FOXK1: variants seen among roughly 807,000 people sequenced by gnomAD.
FOXK1 encodes the protein forkhead box K1, also known as forkhead box protein K1.
FOXK1 carries 19 observed loss-of-function variants against 51.9 expected under a neutral mutation model. That is an observed-to-expected ratio of 0.37 (90% CI 0.26 to 0.54). The LOEUF (loss-of-function observed/expected upper bound fraction) is 0.54, where lower values mean the gene tolerates loss of function less well. Among genes scored for constraint, FOXK1 ranks in the 20% least tolerant of loss-of-function variants. The pLI is 0.87. For missense variants in FOXK1, 870 were observed against 1,032.7 expected, an observed-to-expected ratio of 0.84 and a Z score of 2.16; for synonymous variants, 537 against 482.6, an observed-to-expected ratio of 1.11 and a Z score of -1.48.
At chr7:4,690,092 G>A (rs1462632585) in intron 1 of FOXK1, among the ~76,000 whole-genome samples, 1 of 152,220 alleles carries the variant, frequency 6.6e-6, no homozygotes, top group Admixed American at 6.5e-5. Context: ...GTCTGTTAGT[G>A]AAGGAAGCCA....
At chr7:4,740,541 G>A (rs1422972935) in intron 1 of FOXK1, among the ~76,000 whole-genome samples, 2 of 152,090 alleles carry the variant, frequency 1.3e-5, no homozygotes, top group African/African-American at 4.8e-5. Context: ...AACCCAGGAG[G>A]CTGAGGTTGC....
chr7:4,712,856 G>A (rs1327127551), intron 1 of FOXK1, among the ~76,000 whole-genome samples: 2 of 152,176 alleles, frequency 1.3e-5, no homozygotes, highest in African/African-American at 2.4e-5. Context: ...GAGTGGTAGG[G>A]GATGAATCAT....
At chr7:4,688,176 CT>C (rs1484555287) in intron 1 of FOXK1, among the ~76,000 whole-genome samples, 1 of 149,748 alleles carries the variant, frequency 6.7e-6, no homozygotes, top group East Asian at 2.0e-4. Context: ...ACCTTTCCCC[CT>C]CGCCCCAGTT....
At position 4,770,805 on chromosome 7, in the gene FOXK1, G is replaced by A. The variant is rs765458119; in HGVS notation, c.*8341G>A. On this transcript the variant is annotated 3_prime_UTR_variant, in exon 9 of 9. Coordinates refer to ENST00000328914, the MANE Select transcript of FOXK1 (RefSeq NM_001037165.2). ...CCAATATTGAGTTTTTGTTCTTGTT[G>A]TTTTAATCTGAACGATTATTCTCCT... 2.7e-5 allele frequency: 4 copies of A among 148,080 alleles called. No homozygotes were observed. Among genetic ancestry groups the A allele is most frequent in the Non-Finnish European group, 5.9e-5 (4 of 67,422 alleles). The allele number at this position is 148,080 out of a possible 1,614,324, so 9.2% of individuals were successfully genotyped here.
At chr7:4,726,752 A>C (rs6944865) in intron 1 of FOXK1, among the ~76,000 whole-genome samples, 1 of 151,994 alleles carries the variant, frequency 6.6e-6, no homozygotes, top group Middle Eastern at 3.2e-3. Context: ...TGCCCTCAAG[A>C]CTTCTCTTTT....
intron 1 of FOXK1, among the ~76,000 whole-genome samples, chr7:4,712,870 T>C (rs1366655123): frequency 1.3e-5 from 2 of 152,240 alleles, no homozygotes; most frequent in Admixed American, 6.5e-5. Flanking sequence ...GAATCATTGC[T>C]CTCTGTTCTG....
rs533797486 is a variant in FOXK1, at chr7:4,727,536, A to C, written c.561-13302A>C. Among the ~76,000 whole-genome samples, 5 of 152,012 alleles carry C rather than the reference A, an allele frequency of 3.3e-5. No individual in the cohort carries two copies. The South Asian group carries it at 1.0e-3, about 32-fold the overall frequency. On this transcript the variant is annotated intron_variant, in intron 1 of 8. Transcript: ENST00000328914. Reference sequence around the variant, plus strand: ...CACCATGTTGGCCAGGCTGGTCTTGAACTCCTGACCTCAGGTGATCCTCCT... The same window carrying C: ...CACCATGTTGGCCAGGCTGGTCTTGCACTCCTGACCTCAGGTGATCCTCCT...
At position 4,756,622 on chromosome 7, in the gene FOXK1, C is replaced by T. The variant is rs1780855895; in HGVS notation, c.1051-372C>T. Among the ~76,000 whole-genome samples the T allele has an allele frequency of 6.6e-6, 1 of 151,806 alleles. No individual in the cohort carries two copies. The highest frequency in any genetic ancestry group is 2.1e-4 in the South Asian group (1 of 4,798). On this transcript the variant is annotated intron_variant, in intron 4 of 8. Transcript: ENST00000328914. The surrounding 1 kb of genome is among the most constrained non-coding windows in gnomAD (Gnocchi z 4.1). The stretch of plus-strand genomic sequence containing the variant: ...AACTAAAAATACAAAAAAATCAACC[C>T]AGCATGGTGGCCCACGCCCATAGTC...
At chr7:4,732,347 T>TTCAG (rs1174770100) in intron 1 of FOXK1, among the ~76,000 whole-genome samples, 1 of 152,124 alleles carries the variant, frequency 6.6e-6, no homozygotes, top group African/African-American at 2.4e-5. Context: ...CATTCATTCA[T>TTCAG]TCAGTCACCA....
intron 2 of FOXK1, among the ~76,000 whole-genome samples, chr7:4,741,561 C>T (rs7805692): frequency 0.013 from 1,983 of 152,244 alleles, 47 homozygotes; most frequent in African/African-American, 0.046. Context: ...GAACTCCCAA[C>T]CTCAAATGAT....
chr7:4,754,829 G>T, intron 3 of FOXK1: 1 of 666,374 alleles, frequency 1.5e-6, no homozygotes, highest in Non-Finnish European at 2.5e-6. Flanking sequence ...TGGTGACAGG[G>T]GTGGCGCCGT....
At position 4,771,228 on chromosome 7, in the gene FOXK1, T is replaced by C. The variant is rs1198010947; in HGVS notation, c.*8764T>C. On this transcript the variant is annotated 3_prime_UTR_variant, in exon 9 of 9. Coordinates refer to ENST00000328914, the MANE Select transcript of FOXK1 (RefSeq NM_001037165.2). Reference sequence around the variant, plus strand: ...TTTTTTTAATAAGGAGCCATACTTTTTTTTAAGAGTTTGAGATCTGAATGT... The same window carrying C: ...TTTTTTTAATAAGGAGCCATACTTTCTTTTAAGAGTTTGAGATCTGAATGT... 1 of 152,640 alleles carries C rather than the reference T, an allele frequency of 6.6e-6. No homozygotes were observed. The highest frequency in any genetic ancestry group is 1.5e-5 in the Non-Finnish European group (1 of 68,036). The allele number at this position is 152,640 out of a possible 1,614,324, so 9.5% of individuals were successfully genotyped here.
chr7:4,759,019 G>T, intron 5 of FOXK1, 32 bp from the exon 6 acceptor site: 13 of 1,551,660 alleles, frequency 8.4e-6, no homozygotes, highest in Non-Finnish European at 1.0e-5. Context: ...CAGCGCGGGC[G>T]CTGACTGCCG....
At chr7:4,751,373 T>C (rs75727969) in intron 2 of FOXK1, among the ~76,000 whole-genome samples, 2,620 of 152,212 alleles carry the variant, frequency 0.017, 32 homozygotes, top group Middle Eastern at 0.044. Context: ...GCTAAGGGAA[T>C]GTTTCCGTGG....
chr7:4,706,310 T>C (rs544603078), intron 1 of FOXK1, among the ~76,000 whole-genome samples: 5 of 152,108 alleles, frequency 3.3e-5, no homozygotes, highest in Non-Finnish European at 7.4e-5. Context: ...TAAAATAAAA[T>C]ACCCCTTTTC....
At chr7:4,739,192 C>G (rs185415981) in intron 1 of FOXK1, among the ~76,000 whole-genome samples, 37 of 152,344 alleles carry the variant, frequency 2.4e-4, no homozygotes, top group Non-Finnish European at 4.6e-4. Context: ...GCAGGTTCCA[C>G]TACAAGAGAC....
intron 2 of FOXK1, among the ~76,000 whole-genome samples, chr7:4,741,484 A>C (rs1780633341): frequency 6.6e-6 from 1 of 152,014 alleles, no homozygotes; most frequent in African/African-American, 2.4e-5. Flanking sequence ...GCCTGCTACC[A>C]CGCCTGGCTA....
At position 4,761,436 on chromosome 7, in the gene FOXK1, A is replaced by AT; in HGVS notation, c.1921+148_1921+149insT. ...CCTGCTATACTCCAGGCACTGGGGT[A>AT]ATGCAAAGAAAAAGAGGGTGGAAGG... On this transcript the variant is annotated intron_variant, in intron 8 of 8. Transcript: ENST00000328914. The surrounding 1 kb of genome is among the most constrained non-coding windows in gnomAD (Gnocchi z 6.2). 1.1e-6 allele frequency: 1 copy of AT among 890,056 alleles called. No homozygotes were observed. Among genetic ancestry groups the AT allele is most frequent in the Non-Finnish European group, 1.7e-6 (1 of 587,702 alleles). The allele number at this position is 890,056 out of a possible 1,614,324, so 55.1% of individuals were successfully genotyped here. A position where few individuals can be genotyped will look rare whatever the true frequency, so the allele number is the denominator to read the frequency against.
In FOXK1 at chr7:4,756,412, G is replaced by A. The variant is rs1008521198; in HGVS notation, c.1051-582G>A. ...ATTACAGGCGTGAGCCACTGTGCCC[G>A]GCCAAGACCCAGTGTTTTCTTTCTC... On this transcript the variant is annotated intron_variant, in intron 4 of 8. Transcript: ENST00000328914. This position sits in a 1 kb window ranked among gnomAD's most constrained non-coding sequence, Gnocchi z 4.1. 1.8e-4 allele frequency among the ~76,000 whole-genome samples: 27 copies of A among 151,598 alleles called. No individual in the cohort carries two copies. The highest frequency in any genetic ancestry group is 6.1e-4 in the African/African-American group (25 of 41,312).
Sources: allele counts gnomAD v4.1 joint callset (sites outside exome capture counted in the v4.1 genomes callset), GRCh38; gene constraint gnomAD v4.1.1; non-coding constraint Gnocchi (gnomAD v3.1); transcripts MANE v1.5; gene names NCBI Gene and HGNC (gene_info 2026-07-23, HGNC 2026-07-21).